Variants in CSMD1 observed in about 807,000 individuals in gnomAD.
CSMD1 encodes the protein CUB and Sushi multiple domains 1.
A neutral mutation model predicts 417.5 loss-of-function variants in CSMD1; 213 were observed. The ratio of observed to expected loss-of-function variants is 0.51; its 90% CI spans 0.46 to 0.57. The LOEUF is 0.57. Among genes scored for constraint, CSMD1 ranks in the 20% least tolerant of loss-of-function variants. The probability of loss-of-function intolerance (pLI) is 0.00; values close to 1 mark genes in which losing one functional copy is unlikely to be tolerated. For missense variants in CSMD1, 6,923 were observed against 4,529.7 expected, an observed-to-expected ratio of 1.53 and a Z score of -15.17; for synonymous variants, 2,862 against 1,736.8, an observed-to-expected ratio of 1.65 and a Z score of -16.11.
Position 4,420,000 on chromosome 8 carries a change from G to A in CSMD1, c.368C>T (p.Thr123Met), listed in dbSNP as rs781692154. 15 of 1,588,994 alleles carry A rather than the reference G, an allele frequency of 9.4e-6. No homozygotes were observed. Among genetic ancestry groups the A allele is most frequent in the East Asian group, 9.1e-5 (4 of 43,872 alleles). ...STGSILTLWF[T>M]TDFAVSAQGF... The stretch of plus-strand genomic sequence containing the variant: ...TTGGGCACTCACAGCGAAGTCTGTC[G>A]TGAACCACAGAGTGAGGATAGATCC... The change falls in exon 3 of 70, where the codon ACG (threonine) becomes ATG (methionine). Residue 123 changes from threonine to methionine, a missense_variant. Transcript: ENST00000635120.
intron 7 of CSMD1, among the ~76,000 whole-genome samples, chr8:3,647,351 G>C (rs1797626470): frequency 6.7e-6 from 1 of 149,748 alleles, no homozygotes; most frequent in African/African-American, 2.5e-5. Context: ...GGCAGAGAGA[G>C]AAATATCACG....
rs537944678 is a variant in CSMD1, at chr8:4,444,658, G to A, written c.303-24593C>T. On this transcript the variant is annotated intron_variant, in intron 2 of 69. Transcript: ENST00000635120. ...GGTTATTATCATTCAGGGCATGATT[G>A]TAATTGTGATGACATGTTGAAAACA... Among the ~76,000 whole-genome samples, 17 of 152,304 alleles carry A rather than the reference G, an allele frequency of 1.1e-4. No homozygotes were observed. In the East Asian group the frequency reaches 1.9e-3, roughly 17 times the overall value.
At chr8:4,313,409 A>G (rs1798740497) in intron 3 of CSMD1, among the ~76,000 whole-genome samples, 1 of 151,882 alleles carries the variant, frequency 6.6e-6, no homozygotes, top group Non-Finnish European at 1.5e-5. Context: ...GTTTAGTGTG[A>G]AGATGCCTGA....
At chr8:4,872,220 T>G (rs1483318698) in intron 1 of CSMD1, among the ~76,000 whole-genome samples, 1 of 152,032 alleles carries the variant, frequency 6.6e-6, no homozygotes, top group Non-Finnish European at 1.5e-5. Context: ...GGCCTTGGAG[T>G]TGGGACGACA....
intron 3 of CSMD1, among the ~76,000 whole-genome samples, chr8:4,325,142 G>C (rs368364434): frequency 1.1e-4 from 17 of 152,258 alleles, no homozygotes; most frequent in African/African-American, 3.9e-4. Context: ...CATGAATGCT[G>C]ACAAGACACA....
intron 3 of CSMD1, among the ~76,000 whole-genome samples, chr8:4,156,054 C>G (rs571014904): frequency 6.6e-6 from 1 of 152,220 alleles, no homozygotes; most frequent in East Asian, 1.9e-4. Flanking sequence ...CCATAGATTC[C>G]TACAGAAATG....
At chr8:4,739,076 G>A in intron 1 of CSMD1, among the ~76,000 whole-genome samples, 2 of 151,872 alleles carry the variant, frequency 1.3e-5, no homozygotes, top group Middle Eastern at 3.4e-3. Flanking sequence ...ACACACATGT[G>A]CACACACACA....
intron 1 of CSMD1, among the ~76,000 whole-genome samples, chr8:4,704,610 T>G (rs1228377872): frequency 6.6e-6 from 1 of 152,252 alleles, no homozygotes; most frequent in Non-Finnish European, 1.5e-5. Context: ...CTGTATTTTC[T>G]AATTCTGTAC....
chr8:4,516,766 T>A (rs1434161955), intron 2 of CSMD1, among the ~76,000 whole-genome samples: 2 of 152,200 alleles, frequency 1.3e-5, no homozygotes, highest in African/African-American at 4.8e-5. Context: ...TGCATTTGGA[T>A]CAACTCATGT....
chr8:4,500,246 G>C (rs1477847320), intron 2 of CSMD1, among the ~76,000 whole-genome samples: 1 of 152,010 alleles, frequency 6.6e-6, no homozygotes, highest in Non-Finnish European at 1.5e-5. Flanking sequence ...CATCATGTAA[G>C]AGAGATCATA....
intron 3 of CSMD1, among the ~76,000 whole-genome samples, chr8:4,136,417 T>A (rs1455494704): frequency 6.6e-6 from 1 of 152,118 alleles, no homozygotes; most frequent in East Asian, 1.9e-4. Context: ...ATAAATAACA[T>A]AAAACTGGTT....
chr8:3,373,835 T>C (rs1287382958), intron 18 of CSMD1: 1 of 152,172 alleles, frequency 6.6e-6, no homozygotes, highest in African/African-American at 2.4e-5. Flanking sequence ...GATGCAGGTA[T>C]GTTACATTAG....
intron 5 of CSMD1, among the ~76,000 whole-genome samples, chr8:3,952,179 T>C (rs757526544): frequency 6.6e-6 from 1 of 152,158 alleles, no homozygotes; most frequent in Non-Finnish European, 1.5e-5. Context: ...GAGCAGAAAC[T>C]GTTCATGGTG....
intron 54 of CSMD1, among the ~76,000 whole-genome samples, chr8:2,991,185 T>A (rs1239760041): frequency 2.0e-5 from 3 of 152,216 alleles, no homozygotes; most frequent in African/African-American, 4.8e-5. Context: ...TTACTTTATG[T>A]AGAAACTACA....
chr8:4,061,237 G>T (rs1183796198), intron 3 of CSMD1, among the ~76,000 whole-genome samples: 1 of 152,136 alleles, frequency 6.6e-6, no homozygotes, highest in Non-Finnish European at 1.5e-5. Flanking sequence ...AGAGGAAAGA[G>T]GAGCTGTTCT....
At position 3,770,300 on chromosome 8, in the gene CSMD1, G is replaced by T. The variant is rs544094033; in HGVS notation, c.819-16258C>A. On this transcript the variant is annotated intron_variant, in intron 5 of 69. Transcript: ENST00000635120. ...CCCAACACTTTGGGAGGCCGAGGGC[G>T]GGGGTGGATCACAAGATCAGGAGTT... is the stretch of plus-strand genomic sequence containing the variant. Among the ~76,000 whole-genome samples the T allele has an allele frequency of 9.2e-5, 14 of 152,258 alleles. No homozygotes were observed. The East Asian group carries it at 2.7e-3, about 29-fold the overall frequency.
At chr8:4,287,953 A>G (rs957808004) in intron 3 of CSMD1, among the ~76,000 whole-genome samples, 1 of 152,152 alleles carries the variant, frequency 6.6e-6, no homozygotes, top group Non-Finnish European at 1.5e-5. Context: ...TTCTCCAGAT[A>G]GCAAATCCCA....
intron 5 of CSMD1, among the ~76,000 whole-genome samples, chr8:3,945,534 G>C (rs547107813): frequency 2.0e-5 from 3 of 151,566 alleles, no homozygotes; most frequent in South Asian, 4.2e-4. Flanking sequence ...GAAAGGCGTT[G>C]ATTCATATAA....
chr8:3,564,788 G>A (rs1257511059), intron 10 of CSMD1, among the ~76,000 whole-genome samples: 3 of 151,968 alleles, frequency 2.0e-5, no homozygotes, highest in Non-Finnish European at 2.9e-5. Flanking sequence ...AAGGGGTGAT[G>A]ACAGAGGTGT....
Sources: allele counts gnomAD v4.1 joint callset (sites outside exome capture counted in the v4.1 genomes callset), GRCh38; gene constraint gnomAD v4.1.1; transcripts MANE v1.5; gene names NCBI Gene and HGNC (gene_info 2026-07-23, HGNC 2026-07-21).